Variants in SCHIP1 observed in about 807,000 individuals in gnomAD.
The protein encoded by SCHIP1 is schwannomin interacting protein 1.
A neutral mutation model predicts 29.7 loss-of-function variants in SCHIP1; 8 were observed. That is an observed-to-expected ratio of 0.27 (90% CI 0.16 to 0.49). The LOEUF is 0.49. Ranked by LOEUF, SCHIP1 falls within the 20% of genes least tolerant of loss-of-function variation. The pLI, the probability that SCHIP1 is intolerant of heterozygous loss-of-function variation, is 0.99. For missense variants in SCHIP1, 193 were observed against 294.6 expected (o/e 0.66, Z 2.52); for synonymous variants, 76 against 94.9 (o/e 0.80, Z 1.16).
the SCHIP1 span, among the ~76,000 whole-genome samples, chr3:159,773,576 A>G: frequency 2.0e-5 from 3 of 152,304 alleles, no homozygotes; most frequent in African/African-American, 4.8e-5. Flanking sequence ...AATTTGGAGT[A>G]CAGATCCAGT....
chr3:159,641,453 T>C, the SCHIP1 span, among the ~76,000 whole-genome samples: 1 of 152,268 alleles, frequency 6.6e-6, no homozygotes, highest in East Asian at 1.9e-4. Flanking sequence ...ACAGTTATGC[T>C]CTTAAATTTT....
the SCHIP1 span, among the ~76,000 whole-genome samples, chr3:159,288,413 T>C: frequency 6.6e-6 from 1 of 152,194 alleles, no homozygotes; most frequent in Non-Finnish European, 1.5e-5. Flanking sequence ...AAATCACAGA[T>C]GACTGATAAC....
rs758290993 is a variant in SCHIP1, at chr3:159,895,774, GAAC to G, written c.684-948_684-946del. Among the ~76,000 whole-genome samples the G allele has an allele frequency of 7.0e-4, 106 of 152,030 alleles. 2 individuals carry two copies. The highest frequency in any genetic ancestry group is 6.6e-4 in the Non-Finnish European group (45 of 68,002). On this transcript the variant is annotated intron_variant, in intron 6 of 6. Transcript: ENST00000445224. ...GCAATGGCATGATCTTGGCTCACTG[GAAC>G]CTCCACCTCCCGGGTTCAAGCAATT...
At chr3:159,551,554 T>C in the SCHIP1 span, among the ~76,000 whole-genome samples, 2 of 152,192 alleles carry the variant, frequency 1.3e-5, no homozygotes, top group African/African-American at 4.8e-5. Context: ...ATTTCACTGG[T>C]AACATTTGAA....
At chr3:159,431,822 AAGT>A in the SCHIP1 span, among the ~76,000 whole-genome samples, 2 of 151,894 alleles carry the variant, frequency 1.3e-5, no homozygotes, top group African/African-American at 4.8e-5. Context: ...AAAAAAAAAA[AAGT>A]AGGTAAAAGC....
At chr3:159,312,196 C>T in the SCHIP1 span, among the ~76,000 whole-genome samples, 3 of 151,988 alleles carry the variant, frequency 2.0e-5, no homozygotes, top group Non-Finnish European at 4.4e-5. Flanking sequence ...ATAAGGAATC[C>T]CGTATTAGCT....
the SCHIP1 span, among the ~76,000 whole-genome samples, chr3:159,625,846 CAAG>C: frequency 2.7e-4 from 41 of 151,980 alleles, no homozygotes; most frequent in Non-Finnish European, 4.1e-4. Flanking sequence ...TATGTCTCAG[CAAG>C]TTAATACGTA....
At chr3:159,586,020 C>T in the SCHIP1 span, among the ~76,000 whole-genome samples, 1 of 152,002 alleles carries the variant, frequency 6.6e-6, no homozygotes, top group Non-Finnish European at 1.5e-5. Context: ...CTGGCTGTTA[C>T]ATTCAGCTCT....
At chr3:159,747,235 T>G in the SCHIP1 span, among the ~76,000 whole-genome samples, 1 of 152,160 alleles carries the variant, frequency 6.6e-6, no homozygotes, top group Non-Finnish European at 1.5e-5. Flanking sequence ...GGGCCAACAG[T>G]CTTGGATCTG....
At chr3:159,518,969 G>A in the SCHIP1 span, among the ~76,000 whole-genome samples, 2 of 151,974 alleles carry the variant, frequency 1.3e-5, no homozygotes, top group South Asian at 4.1e-4. Context: ...ATATTTACAT[G>A]TATTTAACTT....
At chr3:159,866,656 A>G (rs1714660750) in intron 2 of SCHIP1, among the ~76,000 whole-genome samples, 1 of 150,636 alleles carries the variant, frequency 6.6e-6, no homozygotes, top group South Asian at 2.1e-4. Flanking sequence ...ATCACCCAGA[A>G]TCACCCCCCT....
the SCHIP1 span, among the ~76,000 whole-genome samples, chr3:159,412,678 C>T: frequency 1.3e-5 from 2 of 152,178 alleles, no homozygotes; most frequent in African/African-American, 2.4e-5. Flanking sequence ...CAAGTTTGCA[C>T]TGTGAAATTT....
At chr3:159,503,053 C>T in the SCHIP1 span, among the ~76,000 whole-genome samples, 2 of 152,304 alleles carry the variant, frequency 1.3e-5, no homozygotes, top group East Asian at 3.9e-4. Flanking sequence ...CCATACTTTC[C>T]TTTTCTGAGG....
chr3:159,383,284 A>T, the SCHIP1 span, among the ~76,000 whole-genome samples: 2 of 151,876 alleles, frequency 1.3e-5, no homozygotes, highest in African/African-American at 4.8e-5. Context: ...TAATTTTTGT[A>T]TAAGATGTAA....
At chr3:159,668,596 A>G in the SCHIP1 span, among the ~76,000 whole-genome samples, 12 of 152,126 alleles carry the variant, frequency 7.9e-5, no homozygotes, top group Non-Finnish European at 1.5e-5. Flanking sequence ...AATAGAGTCA[A>G]GATCACACGC....
At chr3:159,790,336 C>A in the SCHIP1 span, among the ~76,000 whole-genome samples, 3,197 of 152,234 alleles carry the variant, frequency 0.021, 109 homozygotes, top group African/African-American at 0.073. Flanking sequence ...AATGTATGTC[C>A]TTCATATGCT....
At chr3:159,676,330 C>A in the SCHIP1 span, among the ~76,000 whole-genome samples, 1 of 152,188 alleles carries the variant, frequency 6.6e-6, no homozygotes, top group African/African-American at 2.4e-5. Context: ...CAGTGGTATT[C>A]TGTTCAGTTC....
the SCHIP1 span, chr3:159,273,970 A>C: frequency 6.4e-7 from 1 of 1,552,510 alleles, no homozygotes; most frequent in Non-Finnish European, 8.7e-7. Flanking sequence ...GAACTAAGTA[A>C]CTTTAAATTT....
chr3:159,453,961 C>T, the SCHIP1 span, among the ~76,000 whole-genome samples: 2 of 152,210 alleles, frequency 1.3e-5, no homozygotes, highest in Non-Finnish European at 2.9e-5. Flanking sequence ...GCTCCTTCTA[C>T]TCCACCATCC....
Sources: allele counts gnomAD v4.1 joint callset (sites outside exome capture counted in the v4.1 genomes callset), GRCh38; gene constraint gnomAD v4.1.1; transcripts MANE v1.5; gene names NCBI Gene and HGNC (gene_info 2026-07-23, HGNC 2026-07-21).